Variants in FCHSD2 observed in about 807,000 individuals in gnomAD.
FCHSD2 encodes the protein F-BAR and double SH3 domains protein 2.
In FCHSD2, 38 loss-of-function variants were observed where a neutral mutation model predicts 108.1. That is an observed-to-expected ratio of 0.35 (90% CI 0.27 to 0.46). The LOEUF (loss-of-function observed/expected upper bound fraction) is 0.46. Ranked by LOEUF, FCHSD2 falls within the 20% of genes least tolerant of loss-of-function variation. The pLI is 1.00. For synonymous variants in FCHSD2, 279 were observed against 314.7 expected (o/e 0.89, Z 1.20); for missense variants, 751 against 897.8 (o/e 0.84, Z 2.09).
intron 3 of FCHSD2, among the ~76,000 whole-genome samples, chr11:73,076,064 T>C (rs1859544370): frequency 1.3e-5 from 2 of 152,026 alleles, no homozygotes; most frequent in African/African-American, 2.4e-5. Context: ...GAGGCTGCAG[T>C]GAGCCATGAT....
intron 2 of FCHSD2, among the ~76,000 whole-genome samples, chr11:73,132,939 T>G (rs1353100848): frequency 6.6e-6 from 1 of 152,162 alleles, no homozygotes; most frequent in East Asian, 1.9e-4. Context: ...TAAAAATGAT[T>G]TTTTAAATGG....
intron 12 of FCHSD2, among the ~76,000 whole-genome samples, chr11:72,872,280 T>TC (rs1491348345): frequency 1.2e-4 from 11 of 92,660 alleles, no homozygotes; most frequent in African/African-American, 4.8e-4. Context: ...ACTTTTTTTT[T>TC]CTTTTCTTTT....
At chr11:73,042,678 C>G (rs1475029749) in intron 3 of FCHSD2, among the ~76,000 whole-genome samples, 2 of 152,100 alleles carry the variant, frequency 1.3e-5, no homozygotes, top group East Asian at 3.8e-4. Context: ...GTTCATTCTT[C>G]CAGTCCATAA....
At chr11:73,141,705 C>A (rs922824272) in intron 1 of FCHSD2, among the ~76,000 whole-genome samples, 152 bp downstream of exon 1, 8 of 152,180 alleles carry the variant, frequency 5.3e-5, no homozygotes, top group Admixed American at 2.6e-4. Context: ...CACGCGCGCC[C>A]CCCACCTGGA....
intron 2 of FCHSD2, among the ~76,000 whole-genome samples, chr11:73,093,742 C>T (rs541628263): frequency 6.6e-6 from 1 of 152,198 alleles, no homozygotes; most frequent in East Asian, 2.0e-4. Context: ...GCTGGGATTA[C>T]AGGCATGCAC....
At chr11:72,842,051 A>G (rs1860971465) in intron 17 of FCHSD2, among the ~76,000 whole-genome samples, 1 of 152,174 alleles carries the variant, frequency 6.6e-6, no homozygotes, top group African/African-American at 2.4e-5. Context: ...TTCTTCCTCT[A>G]CCTGTCTGGC....
In FCHSD2 at chr11:72,946,117, T is replaced by C. The variant is rs550128242; in HGVS notation, c.706-24167A>G. ...CATACATATGTTTATTGTGGCACTA[T>C]TCAAAATAGGAAAGACTTGGAACCA... On this transcript the variant is annotated intron_variant, in intron 8 of 19. Transcript: ENST00000409418. Among the ~76,000 whole-genome samples, 24 of 152,202 alleles carry C rather than the reference T, an allele frequency of 1.6e-4. No individual in the cohort carries two copies. In the East Asian group the frequency reaches 4.2e-3, roughly 27 times the overall value.
intron 9 of FCHSD2, among the ~76,000 whole-genome samples, chr11:72,916,157 C>A (rs1253780025): frequency 6.6e-6 from 1 of 152,016 alleles, no homozygotes; most frequent in Non-Finnish European, 1.5e-5. Context: ...ACCAAACCCT[C>A]CATGACACAA....
intron 13 of FCHSD2, among the ~76,000 whole-genome samples, chr11:72,860,504 T>G (rs1417098139): frequency 6.6e-6 from 1 of 152,078 alleles, no homozygotes; most frequent in African/African-American, 2.4e-5. Context: ...ATTTGGAAAT[T>G]CAGTAACACA....
intron 2 of FCHSD2, among the ~76,000 whole-genome samples, chr11:73,113,538 T>C (rs553785647): frequency 6.6e-6 from 1 of 152,096 alleles, no homozygotes; most frequent in South Asian, 2.1e-4. Context: ...CCAGCTAGTT[T>C]CTCTATTTTT....
chr11:73,075,683 T>C (rs1030188323), intron 3 of FCHSD2, among the ~76,000 whole-genome samples: 1 of 151,282 alleles, frequency 6.6e-6, no homozygotes, highest in Non-Finnish European at 1.5e-5. Flanking sequence ...GGAGTGGTGG[T>C]GCGTGCCTGT....
chr11:73,049,300 C>T (rs934530845), intron 3 of FCHSD2, among the ~76,000 whole-genome samples: 2 of 152,030 alleles, frequency 1.3e-5, no homozygotes, highest in African/African-American at 4.8e-5. Flanking sequence ...ATGACAGAAA[C>T]TGTCTCATAC....
intron 2 of FCHSD2, among the ~76,000 whole-genome samples, chr11:73,093,341 A>T (rs892512417): frequency 6.6e-6 from 1 of 152,150 alleles, no homozygotes; most frequent in Non-Finnish European, 1.5e-5. Context: ...GAGTCCTGGC[A>T]AATTATTGAA....
intron 3 of FCHSD2, among the ~76,000 whole-genome samples, chr11:73,075,843 G>T (rs949635849): frequency 6.6e-6 from 1 of 151,800 alleles, no homozygotes; most frequent in African/African-American, 2.4e-5. Flanking sequence ...CGGGGGCCAG[G>T]CATGGTGGCT....
intron 3 of FCHSD2, among the ~76,000 whole-genome samples, chr11:73,082,353 A>G (rs1286657842): frequency 6.7e-6 from 1 of 149,670 alleles, no homozygotes; most frequent in East Asian, 1.9e-4. Context: ...AAAAAAAAAA[A>G]AAAAAAAAAG....
At position 73,096,419 on chromosome 11, in the gene FCHSD2, C is replaced by T. The variant is rs368938666; in HGVS notation, c.120-12679G>A. ...AAAAAAAATTAGCCAGATGTGGTGG[C>T]GGGCGCCTGTAATTCCAGCTACCGG... On this transcript the variant is annotated intron_variant, in intron 2 of 19. Coordinates refer to ENST00000409418, the MANE Select transcript of FCHSD2 (RefSeq NM_014824.3). 1.6e-3 allele frequency among the ~76,000 whole-genome samples: 236 copies of T among 148,216 alleles called. 3 individuals are homozygous for T. The South Asian group carries it at 0.045, about 29-fold the overall frequency.
At chr11:72,959,833 C>T (rs899169369) in intron 8 of FCHSD2, among the ~76,000 whole-genome samples, 3 of 148,016 alleles carry the variant, frequency 2.0e-5, no homozygotes, top group African/African-American at 7.4e-5. Context: ...CTTCAAATTT[C>T]CCTGATTTTA....
At chr11:72,870,248 A>G (rs1186266884) in intron 12 of FCHSD2, among the ~76,000 whole-genome samples, 1 of 152,138 alleles carries the variant, frequency 6.6e-6, no homozygotes, top group Non-Finnish European at 1.5e-5. Context: ...AGCACTCTAT[A>G]TAGATCTAAT....
intron 8 of FCHSD2, among the ~76,000 whole-genome samples, chr11:72,978,882 A>C (rs1394882169): frequency 7.4e-6 from 1 of 134,770 alleles, no homozygotes; most frequent in African/African-American, 2.7e-5. Context: ...TTTGAGATGA[A>C]GTCTCACTCT....
Sources: gnomAD v4.1 joint callset for allele counts (sites outside exome capture counted in the v4.1 genomes callset) on GRCh38, gnomAD v4.1.1 for gene constraint, MANE v1.5 for transcripts, NCBI Gene and HGNC (gene_info 2026-07-23, HGNC 2026-07-21) for gene names.